The following FOXN3 variants were observed in gnomAD, a reference collection of about 807,000 sequenced individuals.
FOXN3 encodes forkhead box protein N3.
In FOXN3, 7 loss-of-function variants were observed where a neutral mutation model predicts 38.4. The ratio of observed to expected loss-of-function variants is 0.18; its 90% CI spans 0.10 to 0.34. The LOEUF (loss-of-function observed/expected upper bound fraction) is 0.34. Ranked by LOEUF, FOXN3 falls within the 10% of genes least tolerant of loss-of-function variation. FOXN3 has a pLI of 1.00. For synonymous variants in FOXN3, 230 were observed against 242.2 expected, an observed-to-expected ratio of 0.95 and a Z score of 0.47; for missense variants, 456 against 613.4, an observed-to-expected ratio of 0.74 and a Z score of 2.71.
intron 1 of FOXN3, among the ~76,000 whole-genome samples, chr14:89,559,577 G>A (rs747756772): frequency 2.6e-5 from 4 of 152,298 alleles, no homozygotes; most frequent in African/African-American, 2.4e-5. Context: ...TTGGGAGGCT[G>A]AGGCAGGAGA....
At chr14:89,210,220 C>T (rs977113692) in intron 4 of FOXN3, among the ~76,000 whole-genome samples, 2 of 152,194 alleles carry the variant, frequency 1.3e-5, no homozygotes, top group African/African-American at 4.8e-5. Context: ...TGGTTCAGCA[C>T]CATCCCTTTG....
chr14:89,523,505 G>C (rs2139824722), intron 1 of FOXN3, among the ~76,000 whole-genome samples: 1 of 152,292 alleles, frequency 6.6e-6, no homozygotes, highest in South Asian at 2.1e-4. Context: ...TATGGTCTGT[G>C]ATCACAACAG....
At chr14:89,430,104 AT>A (rs768995364) in intron 1 of FOXN3, among the ~76,000 whole-genome samples, 4 of 152,242 alleles carry the variant, frequency 2.6e-5, no homozygotes, top group Non-Finnish European at 4.4e-5. Context: ...AGCAAATTAT[AT>A]TCTCTAGAAA....
At chr14:89,260,275 C>A (rs1251333342) in intron 4 of FOXN3, among the ~76,000 whole-genome samples, 1 of 152,250 alleles carries the variant, frequency 6.6e-6, no homozygotes, top group Non-Finnish European at 1.5e-5. Context: ...AGGTCATAAT[C>A]TGCCACTGAA....
chr14:89,268,761 G>A (rs1886059330), intron 4 of FOXN3, among the ~76,000 whole-genome samples: 1 of 152,164 alleles, frequency 6.6e-6, no homozygotes, highest in South Asian at 2.1e-4. Context: ...CTAAGGCCAG[G>A]GAGTTTCTGT....
chr14:89,533,661 CAAAAAAAAAAAAA>C (rs34194637), intron 1 of FOXN3, among the ~76,000 whole-genome samples: 4 of 65,914 alleles, frequency 6.1e-5, no homozygotes, highest in African/African-American at 1.8e-4. Flanking sequence ...GACTCTGTCT[CAAAAAAAAAAAAA>C]AAAAAAAAAA....
chr14:89,370,635 G>C (rs1890291984), intron 2 of FOXN3, among the ~76,000 whole-genome samples: 1 of 152,242 alleles, frequency 6.6e-6, no homozygotes, highest in Admixed American at 6.5e-5. Context: ...AATGTTTAAA[G>C]GGAATAAGCA....
chr14:89,243,838 G>A (rs1049120803), intron 4 of FOXN3, among the ~76,000 whole-genome samples: 1 of 152,182 alleles, frequency 6.6e-6, no homozygotes, highest in Non-Finnish European at 1.5e-5. Flanking sequence ...TGAGAGGGAA[G>A]AATCTAAACA....
At chr14:89,354,784 G>C (rs935260559) in intron 2 of FOXN3, among the ~76,000 whole-genome samples, 1 of 151,740 alleles carries the variant, frequency 6.6e-6, no homozygotes, top group East Asian at 2.0e-4. Context: ...GAACCCAGGA[G>C]GCAGAGGTTG....
intron 4 of FOXN3, among the ~76,000 whole-genome samples, chr14:89,227,888 C>T (rs992301913): frequency 3.3e-5 from 5 of 152,172 alleles, no homozygotes; most frequent in African/African-American, 7.2e-5. Flanking sequence ...GCACGGAATT[C>T]GGCCAACAAC....
chr14:89,289,870 C>T (rs924934824), intron 3 of FOXN3, among the ~76,000 whole-genome samples: 3 of 152,160 alleles, frequency 2.0e-5, no homozygotes, highest in Admixed American at 1.3e-4. Context: ...TTTCAACAAG[C>T]AATTGAACAT....
intron 3 of FOXN3, among the ~76,000 whole-genome samples, chr14:89,309,123 C>T (rs1034927685): frequency 4.6e-5 from 7 of 152,142 alleles, no homozygotes; most frequent in Admixed American, 1.3e-4. Context: ...ATCCAAACTA[C>T]GATACACCAG....
chr14:89,515,678 G>A (rs1894185844), intron 1 of FOXN3, among the ~76,000 whole-genome samples: 2 of 152,192 alleles, frequency 1.3e-5, no homozygotes, highest in African/African-American at 4.8e-5. Flanking sequence ...GGAGGTTGCA[G>A]TGAGCCGGGA....
intron 4 of FOXN3, among the ~76,000 whole-genome samples, chr14:89,249,516 TG>T (rs1410985479): frequency 6.6e-6 from 1 of 152,246 alleles, no homozygotes; most frequent in Non-Finnish European, 1.5e-5. Context: ...TCCAAACAGA[TG>T]TTGCCTTCTA....
chr14:89,275,177 T>C (rs546415682), intron 4 of FOXN3, among the ~76,000 whole-genome samples: 42 of 152,236 alleles, frequency 2.8e-4, no homozygotes, highest in African/African-American at 9.4e-4. Context: ...ACCTATAATA[T>C]ATCGTATTGT....
At chr14:89,177,307 G>A (rs377756787) in intron 5 of FOXN3, among the ~76,000 whole-genome samples, 3 of 152,070 alleles carry the variant, frequency 2.0e-5, no homozygotes, top group Non-Finnish European at 2.9e-5. Context: ...CATCGTGCCC[G>A]GCCTCTTTAC....
intron 4 of FOXN3, among the ~76,000 whole-genome samples, chr14:89,215,245 C>T (rs577251864): frequency 6.7e-6 from 1 of 150,206 alleles, no homozygotes; most frequent in South Asian, 2.1e-4. Context: ...AGAAGTGCTG[C>T]TTTGCAAATC....
At chr14:89,434,180 C>T (rs1404384018) in intron 1 of FOXN3, among the ~76,000 whole-genome samples, 4 of 151,164 alleles carry the variant, frequency 2.6e-5, no homozygotes, top group Admixed American at 1.3e-4. Context: ...ACCTCACTGT[C>T]CCAAAGTGCT....
intron 5 of FOXN3, among the ~76,000 whole-genome samples, chr14:89,178,311 G>A (rs773599903): frequency 6.6e-6 from 1 of 152,058 alleles, no homozygotes; most frequent in South Asian, 2.1e-4. Context: ...GCCCGGCCTC[G>A]GCGAATTTTT....
Sources: allele counts gnomAD v4.1 joint callset (sites outside exome capture counted in the v4.1 genomes callset), GRCh38; gene constraint gnomAD v4.1.1; transcripts MANE v1.5; gene names NCBI Gene and HGNC (gene_info 2026-07-23, HGNC 2026-07-21).